KRT18: variants seen among roughly 807,000 people sequenced by gnomAD.
The protein encoded by KRT18 is keratin 18.
Under a neutral mutation model 39.9 loss-of-function variants are expected in KRT18, and 8 were observed. The ratio of observed to expected loss-of-function variants is 0.20; its 90% CI spans 0.12 to 0.36. The LOEUF is 0.36. Ranked by LOEUF, KRT18 falls within the 10% of genes least tolerant of loss-of-function variation. KRT18 has a pLI of 1.00. For missense variants in KRT18, 396 were observed against 565.7 expected (o/e 0.70, Z 3.04); for synonymous variants, 194 against 227.8 (o/e 0.85, Z 1.33).
chr12:52,952,363 C>T (rs1166157680), intron 6 of KRT18, 21 bp downstream of exon 6: 1 of 1,487,126 alleles, frequency 6.7e-7, no homozygotes, highest in African/African-American at 1.4e-5. Context: ...CTCTCCTACC[C>T]ACACGTGCTG....
At position 52,952,796 on chromosome 12, in the gene KRT18, G is replaced by A. The variant is rs771518602; in HGVS notation, c.1247G>A (p.Gly416Asp). 3.1e-6 allele frequency: 5 copies of A among 1,612,282 alleles called. No individual in the cohort carries two copies. The South Asian group carries it at 5.5e-5, about 18-fold the overall frequency. Residue 416 changes from glycine to aspartate, a missense_variant, in exon 7 of 7, where the codon GGC (glycine) becomes GAC (aspartate). Transcript: ENST00000388835. ...ACCACCACCCGCCGGATAGTGGATG[G>A]CAAAGTGGTGTCTGAGACCAATGAC... ...QKTTTRRIVDGKVVSETNDTK... is the reference protein window; with the variant it reads ...QKTTTRRIVDDKVVSETNDTK...
rs771828609 is a variant in KRT18, at chr12:52,949,289, C to T, written c.116C>T (p.Ala39Val). ...VSSAASVYAGAGGSGSRISVS... is the reference protein window; with the variant it reads ...VSSAASVYAGVGGSGSRISVS... ...AGCGCGGCCAGCGTCTATGCAGGCG[C>T]TGGGGGCTCTGGTTCCCGGATCTCC... Residue 39 changes from alanine (A) to valine (V), a missense_variant, in exon 1 of 7, where the codon GCT becomes GTT. Physicochemically the swap from Ala to Val is moderately conservative, Grantham distance 64. Transcript: ENST00000388835. 3.1e-6 allele frequency: 5 copies of T among 1,610,680 alleles called. No individual in the cohort carries two copies. The highest frequency in any genetic ancestry group is 3.4e-6 in the Non-Finnish European group (4 of 1,179,760).
At position 52,949,551 on chromosome 12, in the gene KRT18, G is replaced by T. The variant is rs140324943; in HGVS notation, c.378G>T (p.Trp126Cys). ...AGAAGGGACCCCAGGTCAGAGACTG[G>T]AGCCATTACTTCAAGATCATCGAGG... ...LEKKGPQVRD[W>C]SHYFKIIEDL... Residue 126 changes from tryptophan (W) to cysteine (C), a missense_variant, in exon 1 of 7, where the codon TGG (tryptophan) becomes TGT (cysteine). Coordinates refer to ENST00000388835, the MANE Select transcript of KRT18 (RefSeq NM_000224.3). The T allele has an allele frequency of 1.2e-6, 2 of 1,613,916 alleles. No individual in the cohort carries two copies. The highest frequency in any genetic ancestry group is 2.7e-5 in the African/African-American group (2 of 75,054).
In KRT18 at chr12:52,950,849, GA is replaced by G; in HGVS notation, c.601del (p.Thr201GlnfsTer13). On this transcript the variant is annotated frameshift_variant, in exon 3 of 7. Transcript: ENST00000388835. LOFTEE classifies it high-confidence loss of function. ...CCAATATCACACGACTGCAGCTGGA[GA>G]CAGAGATCGAGGCTCTCAAGGAGGA... ...DTNITRLQLE[T>X]EIEALKEELL... The G allele has an allele frequency of 1.9e-6, 3 of 1,604,926 alleles. No homozygotes were observed. Among genetic ancestry groups the G allele is most frequent in the Non-Finnish European group, 1.7e-6 (2 of 1,176,452 alleles).
At chr12:52,949,893 G>A (rs756589702) in intron 1 of KRT18, 17 of 677,422 alleles carry the variant, frequency 2.5e-5, no homozygotes, top group Non-Finnish European at 4.5e-5. Context: ...TGGCTCTGGC[G>A]GAATGGGGAC....
rs778697666 is a variant in KRT18, at chr12:52,952,883, A to G, written c.*41A>G. On this transcript the variant is annotated 3_prime_UTR_variant, in exon 7 of 7. Coordinates refer to ENST00000388835, the MANE Select transcript of KRT18 (RefSeq NM_000224.3). The stretch of plus-strand genomic sequence containing the variant: ...GTACCCTTTGGGGAGCAGGAGGCCA[A>G]TAAAAAGTTCAGAGTTCATTGGATG... 1.9e-6 allele frequency: 3 copies of G among 1,587,090 alleles called. No individual in the cohort carries two copies. The highest frequency in any genetic ancestry group is 2.2e-5 in the South Asian group (2 of 90,718).
intron 3 of KRT18, among the ~76,000 whole-genome samples, 159 bp downstream of exon 3, chr12:52,951,065 C>A (rs536367322): frequency 1.3e-5 from 2 of 152,322 alleles, no homozygotes; most frequent in East Asian, 3.9e-4. Context: ...GAAGAGCATT[C>A]TCAGGGGGTC....
chr12:52,951,944 C>A, intron 5 of KRT18, 88 bp downstream of exon 5: 1 of 1,512,718 alleles, frequency 6.6e-7, no homozygotes, highest in Admixed American at 1.7e-5. Context: ...TCCCTCATAT[C>A]ATGAGTTCCT....
chr12:52,950,090 A>G (rs1409317975), intron 1 of KRT18: 2 of 640,126 alleles, frequency 3.1e-6, no homozygotes, highest in Non-Finnish European at 2.8e-6. Context: ...CAGGCAGGCC[A>G]GCCAGCTAGC....
chr12:52,951,945 A>G, intron 5 of KRT18, 89 bp downstream of exon 5: 1 of 1,512,098 alleles, frequency 6.6e-7, no homozygotes. Flanking sequence ...CCCTCATATC[A>G]TGAGTTCCTT....
In KRT18 at chr12:52,951,716, G is replaced by C. The variant is rs368391441; in HGVS notation, c.823-15G>C. 1.4e-5 allele frequency: 23 copies of C among 1,613,214 alleles called. 1 individual carries two copies. The Middle Eastern group carries it at 1.4e-3, about 101-fold the overall frequency. On this transcript the variant is annotated splice_polypyrimidine_tract_variant and intron_variant, in intron 4 of 6. Transcript: ENST00000388835. ...GACGGAATGAGGGGCCTGATGGACT[G>C]TCCCCATCCTGCAGATTGAGGAGAG...
upstream of KRT18, chr12:52,948,918 T>G: frequency 2.3e-6 from 1 of 428,484 alleles, no homozygotes. Context: ...CATGCCCGGT[T>G]GGCCACCCCG....
At chr12:52,948,974 G>A, upstream of KRT18, 1 of 470,130 alleles carries the variant, frequency 2.1e-6, no homozygotes, top group Non-Finnish European at 3.7e-6. Context: ...CGGAGGGCGC[G>A]GGGGTGGGGC....
rs777075457 is a variant in KRT18, at chr12:52,951,588, A to G, written c.765A>G (p.Gln255=). Residue 255 remains glutamine, a synonymous_variant, in exon 4 of 7, where the codon CAA becomes CAG. Coordinates refer to ENST00000388835, the MANE Select transcript of KRT18 (RefSeq NM_000224.3). ...LAKIMADIRA[Q]YDELARKNRE... is the part of the protein sequence containing the mutation. The stretch of plus-strand genomic sequence containing the variant: ...AGATCATGGCAGACATCCGGGCCCA[A>G]TATGACGAGCTGGCTCGGAAGAACC... 2 of 1,614,012 alleles carry G rather than the reference A, an allele frequency of 1.2e-6. No individual in the cohort carries two copies. Among genetic ancestry groups the G allele is most frequent in the Non-Finnish European group, 1.7e-6 (2 of 1,180,030 alleles).
In KRT18 at chr12:52,949,508, T is replaced by A; in HGVS notation, c.335T>A (p.Ile112Asn). The part of the protein sequence containing the change: ...ETENRRLESK[I>N]REHLEKKGPQ... Reference sequence around the variant, plus strand: ...GAGAACCGGAGGCTGGAGAGCAAAATCCGGGAGCACTTGGAGAAGAAGGGA... The same window carrying A: ...GAGAACCGGAGGCTGGAGAGCAAAAACCGGGAGCACTTGGAGAAGAAGGGA... The change falls in exon 1 of 7, where the codon ATC becomes AAC. Residue 112 changes from isoleucine to asparagine, a missense_variant. By Grantham distance (149) the Ile-to-Asn change is moderately radical (BLOSUM62 -3). Coordinates refer to ENST00000388835, the MANE Select transcript of KRT18 (RefSeq NM_000224.3). 3 of 1,613,446 alleles carry A rather than the reference T, an allele frequency of 1.9e-6. No individual in the cohort carries two copies. Among genetic ancestry groups the A allele is most frequent in the Non-Finnish European group, 2.5e-6 (3 of 1,180,014 alleles).
Position 52,952,683 on chromosome 12 carries a change from C to T in KRT18, c.1173-39C>T, listed in dbSNP as rs535318924. The T allele has an allele frequency of 8.8e-5, 141 of 1,608,024 alleles. 1 individual carries two copies. The South Asian group carries it at 1.5e-3, about 17-fold the overall frequency. ...CCTTTCTTGTCTCCCTTCTACTCCA[C>T]GGGGCTGTTTATAACTTGGGCTTGG... is the stretch of plus-strand genomic sequence containing the variant. On this transcript the variant is annotated intron_variant, in intron 6 of 6. Transcript: ENST00000388835.
intron 3 of KRT18, 70 bp from the exon 4 acceptor site, chr12:52,951,411 A>G: frequency 6.8e-7 from 1 of 1,479,332 alleles, no homozygotes; most frequent in Non-Finnish European, 9.5e-7. Flanking sequence ...AGAAGAGGCA[A>G]TCACAGAAGA....
intron 1 of KRT18, 139 bp from the exon 2 acceptor site, chr12:52,950,189 G>A (rs1454185492): frequency 1.4e-5 from 11 of 767,140 alleles, no homozygotes; most frequent in Non-Finnish European, 2.4e-5. Flanking sequence ...GATGAAAAGG[G>A]ATAGGTGTCC....
chr12:52,952,852 A>G lies in KRT18; in HGVS notation c.*10A>G, dbSNP rs1267150765. 1 of 1,605,588 alleles carries G rather than the reference A, an allele frequency of 6.2e-7. No individual in the cohort carries two copies. The highest frequency in any genetic ancestry group is 2.2e-5 in the East Asian group (1 of 44,884). On this transcript the variant is annotated 3_prime_UTR_variant, in exon 7 of 7. Transcript: ENST00000388835. ...AGTTCTGAGGCATTAAGCCAGCAGA[A>G]GCAGGGTACCCTTTGGGGAGCAGGA...
Sources: gnomAD v4.1 joint callset for allele counts (sites outside exome capture counted in the v4.1 genomes callset) on GRCh38, gnomAD v4.1.1 for gene constraint, MANE v1.5 for transcripts, NCBI Gene and HGNC (gene_info 2026-07-23, HGNC 2026-07-21) for gene names.